OPCML: variants seen among roughly 807,000 people sequenced by gnomAD.
OPCML encodes opioid-binding protein/cell adhesion molecule.
OPCML carries 13 observed loss-of-function variants against 37.8 expected under a neutral mutation model. The observed-to-expected ratio is 0.34, with a 90% CI of 0.22 to 0.55. The LOEUF (loss-of-function observed/expected upper bound fraction) is 0.55, where lower values mean the gene tolerates loss of function less well. Ranked by LOEUF, OPCML falls within the 20% of genes least tolerant of loss-of-function variation. The pLI is 0.91. For synonymous variants in OPCML, 176 were observed against 168.8 expected, an observed-to-expected ratio of 1.04 and a Z score of -0.33; for missense variants, 341 against 435.6, an observed-to-expected ratio of 0.78 and a Z score of 1.93.
At chr11:132,720,501 C>A (rs1944639592) in intron 2 of OPCML, among the ~76,000 whole-genome samples, 1 of 152,182 alleles carries the variant, frequency 6.6e-6, no homozygotes, top group African/African-American at 2.4e-5. Flanking sequence ...ACTGCATTTG[C>A]CAAAAAGAGG....
At chr11:133,279,537 T>C (rs963940939) in intron 1 of OPCML, among the ~76,000 whole-genome samples, 1 of 152,172 alleles carries the variant, frequency 6.6e-6, no homozygotes, top group Admixed American at 6.5e-5. Context: ...CACTACTTTG[T>C]TCCCCTCTGC....
intron 4 of OPCML, among the ~76,000 whole-genome samples, chr11:132,495,528 A>C (rs1377922492): frequency 6.6e-6 from 1 of 152,214 alleles, no homozygotes; most frequent in Non-Finnish European, 1.5e-5. Context: ...TTTTGCAAGG[A>C]TACCCTCACA....
At chr11:133,471,164 C>T (rs1947103742) in intron 1 of OPCML, among the ~76,000 whole-genome samples, 1 of 152,198 alleles carries the variant, frequency 6.6e-6, no homozygotes, top group Admixed American at 6.5e-5. Flanking sequence ...CAACAGTCTA[C>T]AGCTCAGCAT....
intron 3 of OPCML, among the ~76,000 whole-genome samples, chr11:132,575,443 G>T (rs2096448109): frequency 6.6e-6 from 1 of 151,694 alleles, no homozygotes; most frequent in African/African-American, 2.4e-5. Context: ...TGTTTACCTT[G>T]GAGCTTACAC....
chr11:133,421,271 G>A, intron 1 of OPCML: 2 of 985,414 alleles, frequency 2.0e-6, no homozygotes, highest in Non-Finnish European at 2.4e-6. Context: ...CCAAACGTGA[G>A]TGGAAAGGCA....
intron 1 of OPCML, among the ~76,000 whole-genome samples, chr11:133,259,765 G>A (rs1392701748): frequency 6.6e-6 from 1 of 152,096 alleles, no homozygotes; most frequent in Non-Finnish European, 1.5e-5. Context: ...GCAAATGAGG[G>A]ATACAATGAG....
At chr11:132,591,565 A>C (rs2137708968) in intron 3 of OPCML, among the ~76,000 whole-genome samples, 1 of 152,314 alleles carries the variant, frequency 6.6e-6, no homozygotes, top group African/African-American at 2.4e-5. Flanking sequence ...TGTCACTCTG[A>C]ATTTTAATCC....
chr11:132,875,445 C>T (rs892910976), intron 2 of OPCML, among the ~76,000 whole-genome samples: 2 of 151,548 alleles, frequency 1.3e-5, no homozygotes, highest in African/African-American at 4.9e-5. Context: ...ATCCATCTGC[C>T]AATGTATTTA....
At chr11:133,329,416 C>T (rs1943564285) in intron 1 of OPCML, among the ~76,000 whole-genome samples, 1 of 152,166 alleles carries the variant, frequency 6.6e-6, no homozygotes, top group African/African-American at 2.4e-5. Flanking sequence ...AGGCATCACG[C>T]TACCTGACTT....
At chr11:133,365,219 T>C (rs980098146) in intron 1 of OPCML, 4 of 152,216 alleles carry the variant, frequency 2.6e-5, no homozygotes, top group African/African-American at 9.7e-5. Flanking sequence ...CTGCTAGAAG[T>C]GCTTCAGAAA....
At chr11:133,058,485 C>G (rs1948280470) in intron 1 of OPCML, among the ~76,000 whole-genome samples, 1 of 152,176 alleles carries the variant, frequency 6.6e-6, no homozygotes, top group Admixed American at 6.5e-5. Flanking sequence ...GGGCAGGTGT[C>G]ACATCGAGCA....
intron 1 of OPCML, among the ~76,000 whole-genome samples, chr11:133,042,663 G>A (rs951364206): frequency 1.3e-5 from 2 of 152,248 alleles, no homozygotes; most frequent in African/African-American, 4.8e-5. Flanking sequence ...TTTGGATTTT[G>A]CCCAAGGCTA....
At chr11:132,816,809 T>C (rs772004958) in intron 2 of OPCML, among the ~76,000 whole-genome samples, 3 of 152,194 alleles carry the variant, frequency 2.0e-5, no homozygotes, top group Non-Finnish European at 4.4e-5. Context: ...ATATCCTTCT[T>C]TTTCAAAATC....
At chr11:132,589,905 T>C (rs1306087862) in intron 3 of OPCML, among the ~76,000 whole-genome samples, 1 of 152,226 alleles carries the variant, frequency 6.6e-6, no homozygotes, top group African/African-American at 2.4e-5. Flanking sequence ...AAGCATCATA[T>C]GCTGTTTCTG....
At chr11:133,465,624 C>T (rs1407924282) in intron 1 of OPCML, among the ~76,000 whole-genome samples, 2 of 152,164 alleles carry the variant, frequency 1.3e-5, no homozygotes, top group Non-Finnish European at 2.9e-5. Flanking sequence ...TCATAGGTTT[C>T]GTGGTGGAAT....
At chr11:133,340,604 CTCTCTGTGTGTGTGTG>C (rs1227878410) in intron 1 of OPCML, among the ~76,000 whole-genome samples, 3 of 105,998 alleles carry the variant, frequency 2.8e-5, no homozygotes, top group African/African-American at 1.3e-4. Context: ...AATTAAGACT[CTCTCTGTGTGTGTGTG>C]TGTGTGTGTG....
chr11:133,408,854 T>G (rs558631104), intron 1 of OPCML, among the ~76,000 whole-genome samples: 142 of 152,336 alleles, frequency 9.3e-4, no homozygotes, highest in African/African-American at 3.3e-3. Context: ...ACAATGCGAT[T>G]CAAAGACCTG....
intron 3 of OPCML, among the ~76,000 whole-genome samples, chr11:132,630,982 A>T (rs1940066096): frequency 6.6e-6 from 1 of 152,190 alleles, no homozygotes; most frequent in Non-Finnish European, 1.5e-5. Flanking sequence ...GACAGAAGAA[A>T]AATTCAGAAG....
At chr11:133,218,473 T>G (rs1000782223) in intron 1 of OPCML, among the ~76,000 whole-genome samples, 1 of 152,204 alleles carries the variant, frequency 6.6e-6, no homozygotes, top group African/African-American at 2.4e-5. Flanking sequence ...AAAGTCATAT[T>G]TGGATTTTCC....
Sources: gnomAD v4.1 joint callset for allele counts (sites outside exome capture counted in the v4.1 genomes callset) on GRCh38, gnomAD v4.1.1 for gene constraint, MANE v1.5 for transcripts, NCBI Gene and HGNC (gene_info 2026-07-23, HGNC 2026-07-21) for gene names.